Variants in LRP1B observed in about 807,000 individuals in gnomAD.
LRP1B encodes LDL receptor related protein 1B.
In LRP1B, 217 loss-of-function variants were observed where a neutral mutation model predicts 556.6. The observed-to-expected ratio is 0.39, with a 90% CI of 0.35 to 0.44. The LOEUF is 0.44. Among genes scored for constraint, LRP1B ranks in the 20% least tolerant of loss-of-function variants. LRP1B has a pLI of 1.00. For missense variants in LRP1B, 5,053 were observed against 5,620.8 expected, an observed-to-expected ratio of 0.90 and a Z score of 3.23; for synonymous variants, 2,047 against 1,865.8, an observed-to-expected ratio of 1.10 and a Z score of -2.50.
chr2:140,595,117 T>G (rs1470664773), intron 43 of LRP1B, among the ~76,000 whole-genome samples: 1 of 102,064 alleles, frequency 9.8e-6, no homozygotes, highest in African/African-American at 4.8e-5. Flanking sequence ...TATATATATA[T>G]ATATATATAT....
chr2:141,484,872 A>AT, intron 2 of LRP1B, among the ~76,000 whole-genome samples: 1 of 152,176 alleles, frequency 6.6e-6, no homozygotes, highest in East Asian at 1.9e-4. Flanking sequence ...GGCTGAGACG[A>AT]TGGGGTTTTC....
intron 41 of LRP1B, among the ~76,000 whole-genome samples, chr2:140,619,629 C>A (rs1470320542): frequency 6.6e-6 from 1 of 152,144 alleles, no homozygotes; most frequent in Non-Finnish European, 1.5e-5. Flanking sequence ...TAATAACCAG[C>A]AGTTCCTTAA....
At chr2:140,252,286 T>G (rs1003295529) in intron 86 of LRP1B, among the ~76,000 whole-genome samples, 1 of 151,744 alleles carries the variant, frequency 6.6e-6, no homozygotes, top group Non-Finnish European at 1.5e-5. Context: ...TTTTATAACA[T>G]GCTTCAAAAA....
chr2:140,647,039 T>C (rs1370575663), intron 41 of LRP1B, among the ~76,000 whole-genome samples: 2 of 152,158 alleles, frequency 1.3e-5, no homozygotes, highest in Non-Finnish European at 2.9e-5. Context: ...ATCTGGGATT[T>C]TGAACACTAA....
At chr2:140,769,462 C>G in intron 34 of LRP1B, 118 bp from the exon 35 acceptor site, 1 of 1,080,190 alleles carries the variant, frequency 9.3e-7, no homozygotes. Context: ...AAATGTATTT[C>G]CTGGCCTTTT....
chr2:141,489,646 T>C (rs1043519755), intron 2 of LRP1B, among the ~76,000 whole-genome samples: 1 of 152,106 alleles, frequency 6.6e-6, no homozygotes, highest in Non-Finnish European at 1.5e-5. Context: ...GAACAGTGTT[T>C]ATTTCATAAG....
intron 18 of LRP1B, among the ~76,000 whole-genome samples, chr2:140,966,767 C>T (rs570456016): frequency 6.6e-6 from 1 of 152,266 alleles, no homozygotes; most frequent in Admixed American, 6.5e-5. Context: ...ATATGGCTAG[C>T]CAATTTTCCC....
Position 141,464,596 on chromosome 2 carries a change from A to ATT in LRP1B, c.343+15799_343+15800insAA, listed in dbSNP as rs1402968531. On this transcript the variant is annotated intron_variant, in intron 3 of 90. Transcript: ENST00000389484. ...CCTGGCTAATTTTGTATATATATAT[A>ATT]TATATATATATTTTTTTAGTAGAGA... Among the ~76,000 whole-genome samples, 22 of 33,380 alleles carry ATT rather than the reference A, an allele frequency of 6.6e-4. 1 individual carries two copies. The highest frequency in any genetic ancestry group is 3.5e-3 in the East Asian group (3 of 848). The allele number at this position is 33,380 out of a possible 152,430, so 21.9% of individuals were successfully genotyped here. A position where few individuals can be genotyped will look rare whatever the true frequency, so the allele number is the denominator to read the frequency against.
chr2:141,657,383 T>C (rs1690051920), intron 2 of LRP1B, among the ~76,000 whole-genome samples: 1 of 152,122 alleles, frequency 6.6e-6, no homozygotes, highest in African/African-American at 2.4e-5. Flanking sequence ...ATAAATTTTA[T>C]TCTTGGCTAT....
intron 2 of LRP1B, among the ~76,000 whole-genome samples, chr2:141,736,426 C>G (rs1354177504): frequency 6.6e-6 from 1 of 152,038 alleles, no homozygotes; most frequent in African/African-American, 2.4e-5. Flanking sequence ...GACCAGTGCC[C>G]TTATAAGAAG....
intron 3 of LRP1B, among the ~76,000 whole-genome samples, chr2:141,367,471 C>CTT (rs1169568111): frequency 2.7e-4 from 12 of 44,942 alleles, no homozygotes; most frequent in East Asian, 6.5e-4. Context: ...ATTTGAAATG[C>CTT]TTTTTTTTTT....
intron 3 of LRP1B, among the ~76,000 whole-genome samples, chr2:141,399,410 G>A (rs770960487): frequency 6.8e-6 from 1 of 146,798 alleles, no homozygotes; most frequent in Non-Finnish European, 1.5e-5. Flanking sequence ...AAATATACAT[G>A]AAAACAAACC....
intron 3 of LRP1B, among the ~76,000 whole-genome samples, chr2:141,328,203 A>G (rs1343189603): frequency 6.6e-6 from 1 of 152,190 alleles, no homozygotes; most frequent in African/African-American, 2.4e-5. Context: ...ATAGACAGCC[A>G]GTTTAATGCA....
intron 66 of LRP1B, among the ~76,000 whole-genome samples, chr2:140,404,082 G>A (rs567113485): frequency 6.6e-6 from 1 of 151,058 alleles, no homozygotes; most frequent in Admixed American, 6.6e-5. Flanking sequence ...TAGGGAATTT[G>A]CCACTACCAA....
intron 25 of LRP1B, among the ~76,000 whole-genome samples, chr2:140,871,474 G>T (rs1370598136): frequency 6.6e-6 from 1 of 152,118 alleles, no homozygotes; most frequent in Non-Finnish European, 1.5e-5. Context: ...CTACAACAGT[G>T]TCTATGTGAA....
At chr2:141,435,095 G>C (rs4332868) in intron 3 of LRP1B, among the ~76,000 whole-genome samples, 5,685 of 152,256 alleles carry the variant, frequency 0.037, 371 homozygotes, top group African/African-American at 0.13. Flanking sequence ...ACTTGAGAAT[G>C]CTCATGATCT....
intron 2 of LRP1B, among the ~76,000 whole-genome samples, chr2:141,603,629 G>C (rs991213962): frequency 1.1e-4 from 17 of 152,080 alleles, no homozygotes; most frequent in Non-Finnish European, 2.2e-4. Flanking sequence ...TGATCAGCAG[G>C]TAATGCATTC....
chr2:140,480,329 T>C (rs1688179089), intron 59 of LRP1B, among the ~76,000 whole-genome samples: 1 of 152,234 alleles, frequency 6.6e-6, no homozygotes, highest in Non-Finnish European at 1.5e-5. Context: ...TCTAAATTTA[T>C]TTGCATTGTC....
intron 83 of LRP1B, among the ~76,000 whole-genome samples, chr2:140,304,191 G>C (rs1004444886): frequency 6.6e-6 from 1 of 152,102 alleles, no homozygotes; most frequent in Non-Finnish European, 1.5e-5. Flanking sequence ...GGGATGGCTG[G>C]GTCAAATGGT....
Sources: gnomAD v4.1 joint callset for allele counts (sites outside exome capture counted in the v4.1 genomes callset) on GRCh38, gnomAD v4.1.1 for gene constraint, MANE v1.5 for transcripts, NCBI Gene and HGNC (gene_info 2026-07-23, HGNC 2026-07-21) for gene names.